Variants in PCDHA10 observed in about 807,000 individuals in gnomAD.
PCDHA10 encodes protocadherin alpha 10.
A neutral mutation model predicts 61.2 loss-of-function variants in PCDHA10; 45 were observed. The observed-to-expected ratio is 0.74, with a 90% CI of 0.58 to 0.94. The LOEUF is 0.94. Ranked by LOEUF, PCDHA10 falls within the 40% of genes least tolerant of loss-of-function variation. The probability of loss-of-function intolerance (pLI) is 0.00; values close to 1 mark genes in which losing one functional copy is unlikely to be tolerated. For missense variants in PCDHA10, 1,278 were observed against 1,236.2 expected, an observed-to-expected ratio of 1.03 and a Z score of -0.51; for synonymous variants, 602 against 548.8, an observed-to-expected ratio of 1.10 and a Z score of -1.35.
intron 3 of PCDHA10, among the ~76,000 whole-genome samples, chr5:141,005,519 C>T (rs1374058521): frequency 1.3e-5 from 2 of 151,140 alleles, no homozygotes; most frequent in Middle Eastern, 3.2e-3. Context: ...CTGGCTAACA[C>T]GGTGAAACCC....
In PCDHA10 at chr5:140,857,691, T is replaced by A. The variant is rs189067845; in HGVS notation, c.1643T>A (p.Leu548Ter). The part of the protein sequence containing the change: ...DGGVPPLGSN[L>*]TLQVFVLDEN... ...GGCGTGCCGCCTCTGGGCAGCAACTTGACGCTGCAGGTGTTCGTGCTGGAC... is the reference window on the plus strand; with the variant it reads ...GGCGTGCCGCCTCTGGGCAGCAACTAGACGCTGCAGGTGTTCGTGCTGGAC... Residue 548 changes from leucine (L) to a stop codon, truncating the protein, a stop_gained, in exon 1 of 4, where the codon TTG becomes TAG. Coordinates refer to ENST00000307360, the MANE Select transcript of PCDHA10 (RefSeq NM_018901.4). LOFTEE classifies it high-confidence loss of function. 1.9e-6 allele frequency: 3 copies of A among 1,597,120 alleles called. 1 individual carries two copies. The highest frequency in any genetic ancestry group is 2.6e-6 in the Non-Finnish European group (3 of 1,167,726).
chr5:141,001,488 ATGCTAGCCCAGGT>A (rs1261759985), intron 3 of PCDHA10, among the ~76,000 whole-genome samples: 3 of 152,210 alleles, frequency 2.0e-5, no homozygotes, highest in Non-Finnish European at 4.4e-5. Flanking sequence ...AGTGCTGGAA[ATGCTAGCCCAGGT>A]GGGCTTAGCT....
At chr5:140,996,036 C>T (rs1324761666) in intron 3 of PCDHA10, among the ~76,000 whole-genome samples, 1 of 152,190 alleles carries the variant, frequency 6.6e-6, no homozygotes, top group Non-Finnish European at 1.5e-5. Context: ...GCTCCTAGCA[C>T]TTAACACAGT....
At chr5:140,883,416 G>T in intron 1 of PCDHA10, 1 of 1,614,158 alleles carries the variant, frequency 6.2e-7, no homozygotes, top group Non-Finnish European at 8.5e-7. Context: ...GGCTCAAATG[G>T]ACAGGTCACC....
intron 1 of PCDHA10, among the ~76,000 whole-genome samples, chr5:140,906,762 G>GAGAC (rs1413130419): frequency 6.6e-6 from 1 of 152,218 alleles, no homozygotes; most frequent in Non-Finnish European, 1.5e-5. Context: ...GTAATACTAA[G>GAGAC]AGACACCCTA....
chr5:140,921,057 C>G (rs2079994477), intron 1 of PCDHA10, among the ~76,000 whole-genome samples: 1 of 151,924 alleles, frequency 6.6e-6, no homozygotes, highest in African/African-American at 2.4e-5. Flanking sequence ...ATAGCTCACT[C>G]TAACCTTGAA....
intron 1 of PCDHA10, among the ~76,000 whole-genome samples, chr5:140,888,046 A>G (rs2061675850): frequency 6.6e-6 from 1 of 152,214 alleles, no homozygotes; most frequent in South Asian, 2.1e-4. Flanking sequence ...CATGTATAAT[A>G]GATGTTTTAA....
chr5:140,995,237 T>G (rs1242320046), intron 3 of PCDHA10, among the ~76,000 whole-genome samples: 1 of 152,148 alleles, frequency 6.6e-6, no homozygotes, highest in African/African-American at 2.4e-5. Context: ...GGGCCAGTAT[T>G]AAGTAAAATA....
At chr5:140,891,232 C>T (rs1562856029) in intron 1 of PCDHA10, among the ~76,000 whole-genome samples, 1 of 151,946 alleles carries the variant, frequency 6.6e-6, no homozygotes, top group Non-Finnish European at 1.5e-5. Context: ...TCATCCTGTT[C>T]TGGATTCAGT....
chr5:140,966,852 T>C, intron 1 of PCDHA10: 1 of 1,572,518 alleles, frequency 6.4e-7, no homozygotes, highest in South Asian at 1.1e-5. Flanking sequence ...CTGCCTCTCC[T>C]GCTGCTGTTG....
At chr5:140,882,987 CG>C in intron 1 of PCDHA10, 1 of 1,614,110 alleles carries the variant, frequency 6.2e-7, no homozygotes, top group South Asian at 1.1e-5. Flanking sequence ...GACAACGCCC[CG>C]GAATTTTACC....
chr5:140,858,489 C>A, intron 1 of PCDHA10, 53 bp downstream of exon 1: 1 of 1,498,912 alleles, frequency 6.7e-7, no homozygotes, highest in Non-Finnish European at 9.1e-7. Flanking sequence ...AATATTTTCT[C>A]TTACCGCATT....
chr5:140,946,091 A>G (rs1554217315), intron 1 of PCDHA10, among the ~76,000 whole-genome samples: 1 of 152,040 alleles, frequency 6.6e-6, no homozygotes, highest in Non-Finnish European at 1.5e-5. Flanking sequence ...TCTGATAAGG[A>G]GTTAACATAC....
intron 1 of PCDHA10, chr5:140,927,699 G>A (rs155361): frequency 0.52 from 840,731 of 1,613,754 alleles, 221,277 homozygotes; most frequent in African/African-American, 0.71. Context: ...GGGAAGTCCA[G>A]TACTCCCTAA....
In PCDHA10 at chr5:140,857,301, C is replaced by T. The variant is rs2044489449; in HGVS notation, c.1253C>T (p.Ser418Leu). The change falls in exon 1 of 4, where the codon TCG (serine) becomes TTG (leucine). Residue 418 changes from serine to leucine, a missense_variant. Ser to Leu is a moderately radical substitution (Grantham distance 145). Transcript: ENST00000307360. ...AGCGCTCTGGACCGCGAGAGGGTGT[C>T]GGCCTATGAGCTGGTGGTGACCGCG... ...LDSALDRERV[S>L]AYELVVTARD... The T allele has an allele frequency of 1.3e-6, 2 of 1,598,676 alleles. No homozygotes were observed. Among genetic ancestry groups the T allele is most frequent in the Non-Finnish European group, 8.6e-7 (1 of 1,168,044 alleles).
At chr5:140,858,549 G>C in intron 1 of PCDHA10, 113 bp downstream of exon 1, 1 of 1,394,430 alleles carries the variant, frequency 7.2e-7, no homozygotes, top group South Asian at 1.2e-5. Context: ...TTCCATTTAT[G>C]CTTGAATATT....
chr5:140,934,373 T>G (rs1414749100), intron 1 of PCDHA10, among the ~76,000 whole-genome samples: 1 of 152,182 alleles, frequency 6.6e-6, no homozygotes, highest in African/African-American at 2.4e-5. Flanking sequence ...TGACTCCTTC[T>G]GTGGTTCTAT....
rs782441014 is a variant in PCDHA10 at position 140,870,020 on chromosome 5, C to T, written c.2388+11584C>T. On this transcript the variant is annotated intron_variant, in intron 1 of 3. Transcript: ENST00000307360. ...AATGGAGAAGTGAGGGTCAATGGAACTTTAGATTATGAAGAAAACAAGTTT... is the reference window on the plus strand; with the variant it reads ...AATGGAGAAGTGAGGGTCAATGGAATTTTAGATTATGAAGAAAACAAGTTT... The T allele has an allele frequency of 1.9e-6, 3 of 1,613,394 alleles. No individual in the cohort carries two copies. The highest frequency in any genetic ancestry group is 2.7e-5 in the African/African-American group (2 of 74,862).
chr5:141,002,442 A>G (rs1177854570), intron 3 of PCDHA10, among the ~76,000 whole-genome samples: 3 of 152,218 alleles, frequency 2.0e-5, no homozygotes, highest in Non-Finnish European at 4.4e-5. Context: ...AACCATAATA[A>G]TTGGCACATT....
Sources: gnomAD v4.1 joint callset for allele counts (sites outside exome capture counted in the v4.1 genomes callset) on GRCh38, gnomAD v4.1.1 for gene constraint, MANE v1.5 for transcripts, NCBI Gene and HGNC (gene_info 2026-07-23, HGNC 2026-07-21) for gene names.